Variants in MEST observed in about 807,000 individuals in gnomAD.
MEST encodes mesoderm specific transcript.
MEST carries 18 observed loss-of-function variants against 50.9 expected under a neutral mutation model. The observed-to-expected ratio is 0.35, with a 90% confidence interval of 0.24 to 0.52. The LOEUF is 0.52. Ranked by LOEUF, MEST falls within the 20% of genes least tolerant of loss-of-function variation. MEST has a pLI of 0.94. For synonymous variants in MEST, 130 were observed against 154.1 expected, an observed-to-expected ratio of 0.84 and a Z score of 1.16; for missense variants, 282 against 425.3, an observed-to-expected ratio of 0.66 and a Z score of 2.96.
In MEST at chr7:130,498,266, T is replaced by G; in HGVS notation, c.467T>G (p.Leu156Arg). Residue 156 changes from leucine (L) to arginine (R), a missense_variant, in exon 5 of 12, where the codon CTT becomes CGT. Transcript: ENST00000223215. ...TATGGAGATATTGTTGCTCAGGAGC[T>G]TCTCTACAGGTCAGTGGAGCTTCAG... The part of the protein sequence containing the change: ...HDYGDIVAQE[L>R]LYRYKQNRSG... 6.2e-7 allele frequency: 1 copy of G among 1,614,184 alleles called. No individual in the cohort carries two copies. Among genetic ancestry groups the G allele is most frequent in the Non-Finnish European group, 8.5e-7 (1 of 1,180,020 alleles).
At chr7:130,496,407 A>G in intron 2 of MEST, 1 of 314,444 alleles carries the variant, frequency 3.2e-6, no homozygotes, top group South Asian at 2.6e-5. Context: ...AAGTATATAC[A>G]ATTTTTAACT....
Position 130,492,244 on chromosome 7 carries a change from G to C in MEST, c.-70G>C. 1 of 1,276,544 alleles carries C rather than the reference G, an allele frequency of 7.8e-7. No individual in the cohort carries two copies. The highest frequency in any genetic ancestry group is 9.9e-7 in the Non-Finnish European group (1 of 1,007,754). 79.1% of individuals were successfully genotyped at this position (1,276,544 alleles called of 1,614,324 possible). The stretch of plus-strand genomic sequence containing the variant: ...TGCGCCCCCGCTGCTGGCCAGCTCT[G>C]CACGGCTGCGGGCTCTGCGGCGCCC... On this transcript the variant is annotated 5_prime_UTR_variant, in exon 1 of 12. Transcript: ENST00000223215. The surrounding 1 kb of genome is among the most constrained non-coding windows in gnomAD (Gnocchi z 7.6).
chr7:130,495,551 G>A (rs549653631), intron 2 of MEST, 29 bp downstream of exon 2: 5 of 1,605,704 alleles, frequency 3.1e-6, no homozygotes, highest in South Asian at 1.1e-5. Context: ...GAAGTCCTGC[G>A]TGTATCGGTC....
At chr7:130,493,420 A>ATGTT in intron 1 of MEST, among the ~76,000 whole-genome samples, 1 of 152,240 alleles carries the variant, frequency 6.6e-6, no homozygotes, top group African/African-American at 2.4e-5. Flanking sequence ...TGGCCAAAAA[A>ATGTT]TGTTTGCTTA....
rs1189395399 is a variant in MEST at position 130,505,736 on chromosome 7, C to CTAAT, written c.*684_*687dup. The CTAAT allele has an allele frequency of 6.6e-6, 1 of 152,160 alleles. No individual in the cohort carries two copies. Among genetic ancestry groups the CTAAT allele is most frequent in the African/African-American group, 2.4e-5 (1 of 41,438 alleles). The allele number at this position is 152,160 out of a possible 1,614,324, so 9.4% of individuals were successfully genotyped here. Reference sequence around the variant, plus strand: ...CCCTTACTCTGCCAGAGTAGTGAAGCTAATTAAACACATTTGGTTTCTGAA... The same window carrying CTAAT: ...CCCTTACTCTGCCAGAGTAGTGAAGCTAATTAATTAAACACATTTGGTTTCTGAA... On this transcript the variant is annotated 3_prime_UTR_variant, in exon 12 of 12. Transcript: ENST00000223215.
rs782604357 is a variant in MEST at position 130,497,963 on chromosome 7, C to A, written c.289C>A (p.His97Asn). Residue 97 changes from histidine (H) to asparagine (N), a missense_variant, in exon 4 of 12, where the codon CAT (histidine) becomes AAT (asparagine). Transcript: ENST00000223215. This position sits in a 1 kb window ranked among gnomAD's most constrained non-coding sequence, Gnocchi z 4.0. Reference protein sequence around the residue: ...KIWEGLTLRFHRVIALDFLGF... With the variant: ...KIWEGLTLRFNRVIALDFLGF... ...TTGGGAAGGTCTGACCTTGAGGTTT[C>A]ATCGGGTGATTGCCCTTGATTTCTT... The A allele has an allele frequency of 6.2e-7, 1 of 1,614,254 alleles. No individual in the cohort carries two copies. Among genetic ancestry groups the A allele is most frequent in the South Asian group, 1.1e-5 (1 of 91,084 alleles).
At chr7:130,502,795 T>A in intron 10 of MEST, 75 bp downstream of exon 10, 2 of 1,053,836 alleles carry the variant, frequency 1.9e-6, no homozygotes, top group Non-Finnish European at 2.9e-6. Flanking sequence ...TTTATACAAT[T>A]AGGGTTACCA....
At chr7:130,499,369 C>G (rs1291034894) in intron 6 of MEST, among the ~76,000 whole-genome samples, 3 of 152,122 alleles carry the variant, frequency 2.0e-5, no homozygotes, top group Admixed American at 2.0e-4. Context: ...TTTAAAGGAC[C>G]TATACTTATT....
intron 9 of MEST, among the ~76,000 whole-genome samples, 199 bp from the exon 10 acceptor site, chr7:130,502,445 A>G (rs1418495251): frequency 6.6e-6 from 1 of 152,204 alleles, no homozygotes; most frequent in African/African-American, 2.4e-5. Context: ...TAGTAGGCAT[A>G]ATCACTACTA....
In MEST at chr7:130,497,878, G is replaced by T; in HGVS notation, c.262-58G>T. ...GGCTGAAGCTCCTGTGCAACTGTAG[G>T]TCTGGTGAAAGGGAGGGGCAGGAGC... On this transcript the variant is annotated intron_variant, in intron 3 of 11. Coordinates refer to ENST00000223215, the MANE Select transcript of MEST (RefSeq NM_002402.4). This position sits in a 1 kb window ranked among gnomAD's most constrained non-coding sequence, Gnocchi z 4.0. 6.6e-7 allele frequency: 1 copy of T among 1,507,668 alleles called. No homozygotes were observed. The highest frequency in any genetic ancestry group is 9.2e-7 in the Non-Finnish European group (1 of 1,083,202). 93.4% of individuals were successfully genotyped at this position (1,507,668 alleles called of 1,614,324 possible).
In MEST at chr7:130,497,271, T is replaced by C; in HGVS notation, c.261+36T>C. On this transcript the variant is annotated intron_variant, in intron 3 of 11. Transcript: ENST00000223215. The surrounding 1 kb of genome is among the most constrained non-coding windows in gnomAD (Gnocchi z 4.0). The stretch of plus-strand genomic sequence containing the variant: ...CAGACTTCTACGTCCTACTATGTCT[T>C]AAAAAATCTCGGCCGGGCGCGGGGG... The C allele has an allele frequency of 1.3e-6, 2 of 1,582,252 alleles. 1 individual carries two copies. Among genetic ancestry groups the C allele is most frequent in the Non-Finnish European group, 1.7e-6 (2 of 1,158,624 alleles).
Position 130,497,010 on chromosome 7 carries a change from C to T in MEST, c.182-146C>T. On this transcript the variant is annotated intron_variant, in intron 2 of 11. Transcript: ENST00000223215. This position sits in a 1 kb window ranked among gnomAD's most constrained non-coding sequence, Gnocchi z 4.0. ...CCTGTTCTCACCTAACGCAGTTAAGCTTACATTTTACAAATAATTGTGTCA... is the reference window on the plus strand; with the variant it reads ...CCTGTTCTCACCTAACGCAGTTAAGTTTACATTTTACAAATAATTGTGTCA... The T allele has an allele frequency of 1.7e-6, 1 of 587,150 alleles. No individual in the cohort carries two copies. Among genetic ancestry groups the T allele is most frequent in the Non-Finnish European group, 3.0e-6 (1 of 334,404 alleles). 36.4% of individuals were successfully genotyped at this position (587,150 alleles called of 1,614,324 possible). A position where few individuals can be genotyped will look rare whatever the true frequency, so the allele number is the denominator to read the frequency against.
At chr7:130,486,656 C>T (rs1021693385) in intron 1 of MEST, 1 of 152,272 alleles carries the variant, frequency 6.6e-6, no homozygotes, top group African/African-American at 2.4e-5. Flanking sequence ...GTCGTCGCCT[C>T]CCAGCACCTC....
In MEST at chr7:130,498,196, C is replaced by A; in HGVS notation, c.397C>A (p.His133Asn). ...QASIVEALLR[H>N]LGLQNRRINL... The stretch of plus-strand genomic sequence containing the variant: ...CAGCATCGTGGAAGCGCTTTTGCGG[C>A]ATCTGGGGCTCCAGAACCGCAGGAT... The change falls in exon 5 of 12, where the codon CAT becomes AAT. Residue 133 changes from histidine to asparagine, a missense_variant. By Grantham distance (68) the His-to-Asn change is moderately conservative. Coordinates refer to ENST00000223215, the MANE Select transcript of MEST (RefSeq NM_002402.4). 1 of 1,614,138 alleles carries A rather than the reference C, an allele frequency of 6.2e-7. No individual in the cohort carries two copies. Among genetic ancestry groups the A allele is most frequent in the Non-Finnish European group, 8.5e-7 (1 of 1,179,984 alleles).
At chr7:130,490,842 C>G (rs1798778259), upstream of MEST, 1 of 152,244 alleles carries the variant, frequency 6.6e-6, no homozygotes, top group South Asian at 2.1e-4. Context: ...AGAAGTGTAC[C>G]TGTGTTGTGC....
chr7:130,506,441 C>T lies in MEST; in HGVS notation c.*1385C>T, dbSNP rs1799484419. The T allele has an allele frequency of 4.0e-6, 1 of 252,750 alleles. No individual in the cohort carries two copies. 15.7% of individuals were successfully genotyped at this position (252,750 alleles called of 1,614,324 possible). A position where few individuals can be genotyped will look rare whatever the true frequency, so the allele number is the denominator to read the frequency against. The stretch of plus-strand genomic sequence containing the variant: ...ATAGTATTTGATTTTCAAGATCACC[C>T]AAAGCTGCACTATCGTCCCAAAGCT... On this transcript the variant is annotated 3_prime_UTR_variant, in exon 12 of 12. Transcript: ENST00000223215.
At chr7:130,486,488 G>A (rs1554433736) in intron 1 of MEST, 1 of 152,344 alleles carries the variant, frequency 6.6e-6, no homozygotes, top group Non-Finnish European at 1.5e-5. Flanking sequence ...GGTGTGGCTC[G>A]TGTGCGTGGG....
chr7:130,498,540 C>T (rs1182364637), intron 6 of MEST, 63 bp downstream of exon 6: 54 of 1,400,886 alleles, frequency 3.9e-5, no homozygotes, highest in Admixed American at 1.5e-4. Flanking sequence ...TTAGATACAG[C>T]GGCACCTAAA....
upstream of MEST, chr7:130,490,802 T>G (rs1439223963): frequency 6.6e-6 from 1 of 152,196 alleles, no homozygotes; most frequent in Non-Finnish European, 1.5e-5. Context: ...GTTTCATGAG[T>G]GCTTTTTCTG....
Sources: allele counts gnomAD v4.1 joint callset (sites outside exome capture counted in the v4.1 genomes callset), GRCh38; gene constraint gnomAD v4.1.1; non-coding constraint Gnocchi (gnomAD v3.1); transcripts MANE v1.5; gene names NCBI Gene and HGNC (gene_info 2026-07-23, HGNC 2026-07-21).